Variants in USH2A observed in about 807,000 individuals in gnomAD.
USH2A encodes the protein usherin.
In USH2A, 443 loss-of-function variants were observed where a neutral mutation model predicts 538.9. The ratio of observed to expected loss-of-function variants is 0.82; its 90% confidence interval spans 0.76 to 0.89. USH2A has a LOEUF of 0.89. Among genes scored for constraint, USH2A ranks in the 40% least tolerant of loss-of-function variants. The probability of loss-of-function intolerance (pLI) is 0.00; values close to 1 mark genes in which losing one functional copy is unlikely to be tolerated. For missense variants in USH2A, 6,633 were observed against 6,324.8 expected, an observed-to-expected ratio of 1.05 and a Z score of -1.65; for synonymous variants, 2,413 against 2,273.5, an observed-to-expected ratio of 1.06 and a Z score of -1.75.
In USH2A at chr1:215,685,274, T is replaced by A. The variant is rs112187754; in HGVS notation, c.12067-4898A>T. 1.0e-3 allele frequency among the ~76,000 whole-genome samples: 158 copies of A among 152,108 alleles called. 1 individual carries two copies. Among genetic ancestry groups the A allele is most frequent in the African/African-American group, 3.5e-3 (145 of 41,564 alleles). On this transcript the variant is annotated intron_variant, in intron 61 of 71. Coordinates refer to ENST00000307340, the MANE Select transcript of USH2A (RefSeq NM_206933.4). ...TCCATTTATAAAGTTAACCTTTAAGTTCCCCAAAAGTTGATCAACATATTT... is the reference window on the plus strand; with the variant it reads ...TCCATTTATAAAGTTAACCTTTAAGATCCCCAAAAGTTGATCAACATATTT...
chr1:215,733,072 G>A (rs1358618496), intron 60 of USH2A, among the ~76,000 whole-genome samples: 5 of 151,916 alleles, frequency 3.3e-5, no homozygotes, highest in African/African-American at 1.2e-4. Context: ...AGTCCTGCAG[G>A]GCGTACAGAA....
At chr1:215,755,119 T>C (rs1008238221) in intron 58 of USH2A, among the ~76,000 whole-genome samples, 1 of 152,196 alleles carries the variant, frequency 6.6e-6, no homozygotes, top group Non-Finnish European at 1.5e-5. Flanking sequence ...TCAAAAACAC[T>C]TGGTAGCACA....
intron 61 of USH2A, among the ~76,000 whole-genome samples, chr1:215,699,259 T>G (rs1658919579): frequency 6.6e-6 from 1 of 152,224 alleles, no homozygotes; most frequent in South Asian, 2.1e-4. Flanking sequence ...GCATGATGCC[T>G]CCAGCTTTGT....
At chr1:216,347,500 T>C (rs888970227) in intron 4 of USH2A, among the ~76,000 whole-genome samples, 1 of 152,106 alleles carries the variant, frequency 6.6e-6, no homozygotes, top group Admixed American at 6.6e-5. Context: ...AAGTCCAAAA[T>C]GGCATATTCA....
rs1189390760 is a variant in USH2A, at chr1:215,743,408, G to GTATATATA, written c.11390-74_11390-73insTATATATA. 19,884 of 472,066 alleles carry GTATATATA rather than the reference G, an allele frequency of 0.042. 2,139 individuals carry two copies. Among genetic ancestry groups the GTATATATA allele is most frequent in the Non-Finnish European group, 0.047 (14,314 of 303,212 alleles). 29.2% of individuals were successfully genotyped at this position (472,066 alleles called of 1,614,324 possible). ...TATATGTGTGTGTGTGTGTGTGTGT[G>GTATATATA]TGTGTGTGTATATATATATAGACAC... On this transcript the variant is annotated intron_variant, in intron 58 of 71. Coordinates refer to ENST00000307340, the MANE Select transcript of USH2A (RefSeq NM_206933.4).
At position 216,409,686 on chromosome 1, in the gene USH2A, T is replaced by C. The variant is rs374267070; in HGVS notation, c.651+8828A>G. Among the ~76,000 whole-genome samples, 314 of 152,208 alleles carry C rather than the reference T, an allele frequency of 2.1e-3. 15 individuals carry two copies. In the South Asian group the frequency reaches 0.063, roughly 31 times the overall value. ...TAACTGGCTAGCCATATGCAGAAGA[T>C]TGAAACTGGACCCCTTCCTTATACC... On this transcript the variant is annotated intron_variant, in intron 3 of 71. Coordinates refer to ENST00000307340, the MANE Select transcript of USH2A (RefSeq NM_206933.4).
chr1:215,703,616 G>A (rs897940465), intron 61 of USH2A, among the ~76,000 whole-genome samples: 8 of 152,250 alleles, frequency 5.3e-5, no homozygotes, highest in African/African-American at 9.6e-5. Flanking sequence ...ACACTGTGAG[G>A]GGAAAACCAC....
chr1:216,127,497 T>C (rs919811833), intron 21 of USH2A, among the ~76,000 whole-genome samples: 9 of 152,236 alleles, frequency 5.9e-5, no homozygotes, highest in African/African-American at 2.2e-4. Flanking sequence ...GGCAATGCTT[T>C]CTCTTCTTTA....
chr1:216,276,017 C>A (rs1461605373), intron 11 of USH2A, among the ~76,000 whole-genome samples: 1 of 152,048 alleles, frequency 6.6e-6, no homozygotes, highest in Non-Finnish European at 1.5e-5. Flanking sequence ...TTGGTAGGAA[C>A]CCTATGTCTC....
rs376081393 is a variant in USH2A, at chr1:215,743,371, C to CAT, written c.11390-38_11390-37dup. The CAT allele has an allele frequency of 0.25, 100,409 of 395,014 alleles. 13,090 individuals are homozygous for CAT. Among genetic ancestry groups the CAT allele is most frequent in the South Asian group, 0.35 (13,587 of 39,000 alleles). The allele number at this position is 395,014 out of a possible 1,614,324, so 24.5% of individuals were successfully genotyped here. On this transcript the variant is annotated intron_variant, in intron 58 of 71. Transcript: ENST00000307340. The stretch of plus-strand genomic sequence containing the variant: ...AGAGAGAGAGAGAGAACATTAAAAA[C>CAT]ATATATATATATATATGTGTGTGTG...
chr1:215,827,624 A>G (rs573619580), intron 47 of USH2A, among the ~76,000 whole-genome samples: 2 of 152,300 alleles, frequency 1.3e-5, no homozygotes, highest in African/African-American at 4.8e-5. Context: ...CATGGTGACC[A>G]TAAGGCTATT....
Position 215,652,996 on chromosome 1 carries a change from G to A in USH2A, c.14134-2195C>T, listed in dbSNP as rs375626756. 7.9e-5 allele frequency among the ~76,000 whole-genome samples: 12 copies of A among 152,282 alleles called. No individual in the cohort carries two copies. In the South Asian group the frequency reaches 1.0e-3, roughly 13 times the overall value. ...ACCAATAGGAGATGGAAGTAGTGCA[G>A]GCATAGGGTGTTGAAAGAAAATGAG... On this transcript the variant is annotated intron_variant, in intron 64 of 71. Coordinates refer to ENST00000307340, the MANE Select transcript of USH2A (RefSeq NM_206933.4).
At chr1:215,978,671 C>T (rs1015551926) in intron 35 of USH2A, among the ~76,000 whole-genome samples, 3 of 152,062 alleles carry the variant, frequency 2.0e-5, no homozygotes, top group Admixed American at 6.6e-5. Flanking sequence ...AAACAAATGA[C>T]ATAATTAAAT....
At chr1:216,066,982 T>C (rs1032494257) in intron 30 of USH2A, among the ~76,000 whole-genome samples, 2 of 152,200 alleles carry the variant, frequency 1.3e-5, no homozygotes, top group Non-Finnish European at 2.9e-5. Context: ...TATATCATCA[T>C]TGTCAGGAAT....
intron 21 of USH2A, chr1:216,174,444 T>C (rs1381957315): frequency 2.0e-6 from 2 of 985,258 alleles, no homozygotes; most frequent in Non-Finnish European, 1.2e-6. Context: ...ATTGCGGTAC[T>C]AGTAAGGCCA....
In USH2A at chr1:216,048,649, TATA is replaced by T; in HGVS notation, c.6050-5_6050-3del. ...AGGGTAGCAAGCCTGTCAATATGCC[TATA>T]ATAAAAAGGGACAAAAGAGGGTTGC... On this transcript the variant is annotated splice_polypyrimidine_tract_variant and splice_region_variant and intron_variant, in intron 30 of 71. Coordinates refer to ENST00000307340, the MANE Select transcript of USH2A (RefSeq NM_206933.4). 6.2e-7 allele frequency: 1 copy of T among 1,613,350 alleles called. No homozygotes were observed. Among genetic ancestry groups the T allele is most frequent in the Non-Finnish European group, 8.5e-7 (1 of 1,179,296 alleles).
At chr1:216,224,773 G>A (rs2035528091) in intron 14 of USH2A, among the ~76,000 whole-genome samples, 1 of 152,100 alleles carries the variant, frequency 6.6e-6, no homozygotes, top group Admixed American at 6.5e-5. Context: ...AAGAAGGTAA[G>A]GAATATGTGA....
intron 38 of USH2A, among the ~76,000 whole-genome samples, chr1:215,922,021 G>A (rs1197804663): frequency 6.6e-6 from 1 of 152,022 alleles, no homozygotes; most frequent in Non-Finnish European, 1.5e-5. Flanking sequence ...TGAACTCCTA[G>A]AAGGAAAAAT....
At chr1:215,993,894 T>C (rs1355173167) in intron 34 of USH2A, among the ~76,000 whole-genome samples, 1 of 152,166 alleles carries the variant, frequency 6.6e-6, no homozygotes, top group African/African-American at 2.4e-5. Flanking sequence ...AATGGTAACA[T>C]GAATGTTACA....
Sources: allele counts gnomAD v4.1 joint callset (sites outside exome capture counted in the v4.1 genomes callset), GRCh38; gene constraint gnomAD v4.1.1; transcripts MANE v1.5; gene names NCBI Gene and HGNC (gene_info 2026-07-23, HGNC 2026-07-21).